Variants in RYR3 observed in about 807,000 individuals in gnomAD.
RYR3 encodes brain ryanodine receptor-calcium release channel.
RYR3 carries 207 observed loss-of-function variants against 584.3 expected under a neutral mutation model. The ratio of observed to expected loss-of-function variants is 0.35; its 90% CI spans 0.32 to 0.40. The LOEUF (loss-of-function observed/expected upper bound fraction) is 0.40, where lower values mean the gene tolerates loss of function less well. Among genes scored for constraint, RYR3 ranks in the 10% least tolerant of loss-of-function variants. The probability of loss-of-function intolerance (pLI) is 1.00; values close to 1 mark genes in which losing one functional copy is unlikely to be tolerated. For synonymous variants in RYR3, 2,416 were observed against 2,248.5 expected (o/e 1.07, Z -2.11); for missense variants, 5,616 against 6,089.2 (o/e 0.92, Z 2.59).
chr15:33,429,167 C>T (rs1305995176), intron 1 of RYR3, among the ~76,000 whole-genome samples: 1 of 152,180 alleles, frequency 6.6e-6, no homozygotes, highest in East Asian at 1.9e-4. Context: ...TGGGAGGGAT[C>T]TTTCAACTGT....
chr15:33,342,510 T>G (rs917080381), intron 1 of RYR3, among the ~76,000 whole-genome samples: 2 of 152,218 alleles, frequency 1.3e-5, no homozygotes, highest in African/African-American at 4.8e-5. Flanking sequence ...GAAAATATAT[T>G]AATAGGTAGG....
At chr15:33,383,693 C>G (rs770202248) in intron 1 of RYR3, among the ~76,000 whole-genome samples, 3 of 152,086 alleles carry the variant, frequency 2.0e-5, no homozygotes, top group Non-Finnish European at 2.9e-5. Flanking sequence ...TGGCCCATGC[C>G]CCTCTTCCAC....
At chr15:33,382,318 G>GTTTTTTTTTTT (rs1567133176) in intron 1 of RYR3, among the ~76,000 whole-genome samples, 9 of 103,258 alleles carry the variant, frequency 8.7e-5, no homozygotes, top group African/African-American at 3.9e-4. Context: ...TTTAAAAGTG[G>GTTTTTTTTTTT]CTTTTTTTTT....
chr15:33,341,839 G>A (rs76942847), intron 1 of RYR3, among the ~76,000 whole-genome samples: 2,145 of 132,206 alleles, frequency 0.016, 20 homozygotes, highest in Non-Finnish European at 0.025. Flanking sequence ...CAAAAAGGTA[G>A]AAAAAATTAA....
At chr15:33,845,254 CTGT>C (rs891829313) in intron 93 of RYR3, among the ~76,000 whole-genome samples, 192 bp downstream of exon 93, 24 of 152,088 alleles carry the variant, frequency 1.6e-4, no homozygotes, top group African/African-American at 4.1e-4. Context: ...AGGTTTTCTT[CTGT>C]TGTTGTTGTT....
chr15:33,561,469 C>T (rs1400942530), intron 10 of RYR3, among the ~76,000 whole-genome samples: 2 of 152,150 alleles, frequency 1.3e-5, no homozygotes, highest in African/African-American at 2.4e-5. Context: ...GGCAAATTTA[C>T]CTCCTTCATT....
intron 21 of RYR3, among the ~76,000 whole-genome samples, chr15:33,629,374 G>T (rs191801416): frequency 4.0e-4 from 61 of 152,336 alleles, no homozygotes; most frequent in Non-Finnish European, 2.4e-4. Context: ...GAAGATTAGT[G>T]TGGGGGAAAA....
At chr15:33,724,258 T>C in intron 45 of RYR3, 82 bp downstream of exon 45, 3 of 766,164 alleles carry the variant, frequency 3.9e-6, no homozygotes, top group Non-Finnish European at 6.4e-6. Context: ...CATTTCTTCC[T>C]CTGTCTCTGG....
chr15:33,854,828 C>T lies in RYR3; in HGVS notation c.13923C>T (p.Phe4641=). The T allele has an allele frequency of 6.2e-7, 1 of 1,613,948 alleles. No individual in the cohort carries two copies. Among genetic ancestry groups the T allele is most frequent in the Non-Finnish European group, 8.5e-7 (1 of 1,179,860 alleles). Residue 4641 remains phenylalanine, a synonymous_variant, in exon 98 of 104, where the codon TTC becomes TTT. Transcript: ENST00000634891. The part of the protein sequence containing the change: ...MSVLGHYNNF[F]FAAHLLDIAM... ...TCCTGGGCCACTACAATAACTTCTTCTTTGCTGCTCACCTATTGGACATCG... is the reference window on the plus strand; with the variant it reads ...TCCTGGGCCACTACAATAACTTCTTTTTTGCTGCTCACCTATTGGACATCG...
intron 77 of RYR3, among the ~76,000 whole-genome samples, chr15:33,820,041 C>G (rs900111138): frequency 6.6e-6 from 1 of 152,224 alleles, no homozygotes. Context: ...TAGGTTCACA[C>G]TGACATTTCT....
chr15:33,495,424 T>C (rs1468743403), intron 2 of RYR3, among the ~76,000 whole-genome samples: 1 of 152,192 alleles, frequency 6.6e-6, no homozygotes, highest in Non-Finnish European at 1.5e-5. Flanking sequence ...TTTCAGTCTT[T>C]CTGAGTCTTT....
At chr15:33,730,967 G>A (rs1414310564) in intron 47 of RYR3, among the ~76,000 whole-genome samples, 1 of 152,118 alleles carries the variant, frequency 6.6e-6, no homozygotes, top group African/African-American at 2.4e-5. Context: ...TTCCACTTTC[G>A]CTTTCACAAA....
In RYR3 at chr15:33,768,737, C is replaced by T. The variant is rs779062791; in HGVS notation, c.8755+30C>T. ...GTGAAGTGTTGCTCAAGGTACCGCT[C>T]CTCCCTGTAATTATCTTGAACTTGC... is the stretch of plus-strand genomic sequence containing the variant. On this transcript the variant is annotated intron_variant, in intron 61 of 103. Transcript: ENST00000634891. 8.7e-6 allele frequency: 14 copies of T among 1,606,174 alleles called. 1 individual carries two copies. The South Asian group carries it at 1.5e-4, about 18-fold the overall frequency.
intron 60 of RYR3, among the ~76,000 whole-genome samples, chr15:33,759,559 C>A (rs2072220744): frequency 6.6e-6 from 1 of 151,888 alleles, no homozygotes; most frequent in African/African-American, 2.4e-5. Context: ...GATTGAAGAT[C>A]AACTAAATGA....
chr15:33,644,448 G>A lies in RYR3; in HGVS notation c.3694G>A (p.Asp1232Asn), dbSNP rs907997180. Residue 1232 changes from aspartate (D) to asparagine (N), a missense_variant, in exon 28 of 104, where the codon GAT becomes AAT. By Grantham distance (23) the Asp-to-Asn change is conservative. This residue lies in a region of RYR3 where 152 missense variants were observed against 200.9 expected (regional missense o/e 0.76). Transcript: ENST00000634891. ...GCCTTTTGCTGTCAACATGAACAGA[G>A]ATGTTGCTATGTGGTTCAGCAAGCG... The part of the protein sequence containing the change: ...FEPFAVNMNR[D>N]VAMWFSKRLP... 3 of 1,613,848 alleles carry A rather than the reference G, an allele frequency of 1.9e-6. No individual in the cohort carries two copies. Among genetic ancestry groups the A allele is most frequent in the African/African-American group, 2.7e-5 (2 of 74,944 alleles).
At chr15:33,812,471 G>GA (rs969275026) in intron 72 of RYR3, among the ~76,000 whole-genome samples, 1 of 152,046 alleles carries the variant, frequency 6.6e-6, no homozygotes, top group African/African-American at 2.4e-5. Context: ...AAAAGAAGGG[G>GA]AGATGGGTTT....
chr15:33,519,401 C>T lies in RYR3; in HGVS notation c.280-11191C>T, dbSNP rs111956045. Among the ~76,000 whole-genome samples the T allele has an allele frequency of 4.6e-5, 7 of 152,158 alleles. 1 individual carries two copies. Among genetic ancestry groups the T allele is most frequent in the African/African-American group, 1.7e-4 (7 of 41,516 alleles). ...TTTGTTCTTTGCTTCTTTGGAGTTC[C>T]GGAGAAATATTAAAAGGAAAGTCAA... On this transcript the variant is annotated intron_variant, in intron 3 of 103. Coordinates refer to ENST00000634891, the MANE Select transcript of RYR3 (RefSeq NM_001036.6).
In RYR3 at chr15:33,662,782, A is replaced by T. The variant is rs752712297; in HGVS notation, c.5252A>T (p.Asp1751Val). 1 of 1,613,942 alleles carries T rather than the reference A, an allele frequency of 6.2e-7. No individual in the cohort carries two copies. Among genetic ancestry groups the T allele is most frequent in the South Asian group, 1.1e-5 (1 of 91,074 alleles). The change falls in exon 35 of 104, where the codon GAT (aspartate) becomes GTT (valine). Residue 1751 changes from aspartate (D) to valine (V), a missense_variant. This residue lies in a region of RYR3 where 753 missense variants were observed against 741.0 expected (regional missense o/e 1.02). Transcript: ENST00000634891. ...DDVRQILLLI[D>V]PSVFGEHSAG... The stretch of plus-strand genomic sequence containing the variant: ...GTTCGGCAGATCCTCCTCCTGATTG[A>T]TCCCTCTGTGTTTGGGGAGCATAGT...
chr15:33,669,431 C>T lies in RYR3; in HGVS notation c.5697C>T (p.Phe1899=). The T allele has an allele frequency of 2.5e-6, 4 of 1,613,920 alleles. No homozygotes were observed. Among genetic ancestry groups the T allele is most frequent in the Non-Finnish European group, 3.4e-6 (4 of 1,179,842 alleles). ...PEEIREELYD[F]HEDLLLHCGV... Reference sequence around the variant, plus strand: ...AGATTCGGGAGGAGCTGTATGATTTCCATGAGGACCTTCTCCTTCACTGTG... The same window carrying T: ...AGATTCGGGAGGAGCTGTATGATTTTCATGAGGACCTTCTCCTTCACTGTG... The change falls in exon 37 of 104, where the codon TTC becomes TTT. Residue 1899 remains phenylalanine, a synonymous_variant. Transcript: ENST00000634891.
Sources: gnomAD v4.1 joint callset for allele counts (sites outside exome capture counted in the v4.1 genomes callset) on GRCh38, gnomAD v4.1.1 for gene constraint, gnomAD v4.1.1 regional missense constraint, MANE v1.5 for transcripts, NCBI Gene and HGNC (gene_info 2026-07-23, HGNC 2026-07-21) for gene names.